Variants in SCMH1 observed in about 807,000 individuals in gnomAD.
SCMH1 encodes Scm polycomb group protein homolog 1.
SCMH1 carries 37 observed loss-of-function variants against 70.8 expected under a neutral mutation model. The ratio of observed to expected loss-of-function variants is 0.52; its 90% confidence interval spans 0.40 to 0.69. The LOEUF is 0.69. SCMH1 is among the 30% of genes least tolerant of loss of function. SCMH1 has a pLI of 0.00. For missense variants in SCMH1, 607 were observed against 827.3 expected (o/e 0.73, Z 3.27); for synonymous variants, 292 against 307.4 (o/e 0.95, Z 0.52).
chr1:41,164,621 C>T (rs1572760138), intron 2 of SCMH1, among the ~76,000 whole-genome samples: 2 of 152,150 alleles, frequency 1.3e-5, no homozygotes, highest in African/African-American at 4.8e-5. Flanking sequence ...TCTGACTTCT[C>T]TCCTGTTACT....
chr1:41,052,737 T>C (rs1558472293), intron 10 of SCMH1, among the ~76,000 whole-genome samples: 1 of 152,098 alleles, frequency 6.6e-6, no homozygotes, highest in Admixed American at 6.5e-5. Flanking sequence ...TATAGTATGA[T>C]TCATTTATAG....
At chr1:41,215,897 C>G (rs548965299) in intron 1 of SCMH1, among the ~76,000 whole-genome samples, 48 of 152,110 alleles carry the variant, frequency 3.2e-4, no homozygotes, top group Admixed American at 6.6e-5. Flanking sequence ...TTTAAATATA[C>G]TCAGAAAGTA....
At chr1:41,152,993 C>T (rs1238537973) in intron 4 of SCMH1, among the ~76,000 whole-genome samples, 1 of 152,188 alleles carries the variant, frequency 6.6e-6, no homozygotes, top group Non-Finnish European at 1.5e-5. Context: ...TTTCTGAAGT[C>T]AAGGTTTAAA....
At chr1:41,087,275 C>T (rs1030153915) in intron 8 of SCMH1, among the ~76,000 whole-genome samples, 4 of 151,760 alleles carry the variant, frequency 2.6e-5, no homozygotes, top group Admixed American at 1.3e-4. Flanking sequence ...TATATAAGTA[C>T]TAGAGGAAAA....
At chr1:41,061,845 T>A in intron 10 of SCMH1, among the ~76,000 whole-genome samples, 1 of 152,138 alleles carries the variant, frequency 6.6e-6, no homozygotes, top group East Asian at 1.9e-4. Flanking sequence ...CACATCTGAA[T>A]ATATTTTTTT....
At chr1:41,091,025 C>G (rs886985200) in intron 8 of SCMH1, among the ~76,000 whole-genome samples, 1 of 120,384 alleles carries the variant, frequency 8.3e-6, no homozygotes, top group African/African-American at 3.3e-5. Flanking sequence ...GGCGAAAGAG[C>G]GAGACTCCGT....
intron 5 of SCMH1, among the ~76,000 whole-genome samples, chr1:41,146,951 T>G (rs1368712714): frequency 6.6e-6 from 1 of 152,110 alleles, no homozygotes; most frequent in Non-Finnish European, 1.5e-5. Context: ...TTTATATAAA[T>G]TTTTCGTATT....
intron 6 of SCMH1, among the ~76,000 whole-genome samples, chr1:41,133,298 A>G (rs1255669523): frequency 6.6e-6 from 1 of 152,104 alleles, no homozygotes; most frequent in Non-Finnish European, 1.5e-5. Context: ...TTCTTTTTGT[A>G]TCAATGGTGA....
chr1:41,130,595 A>G (rs1312176653), intron 6 of SCMH1, among the ~76,000 whole-genome samples: 1 of 152,132 alleles, frequency 6.6e-6, no homozygotes, highest in Non-Finnish European at 1.5e-5. Flanking sequence ...TTTTTCTAGC[A>G]TTACTGAATT....
At chr1:41,097,743 C>G (rs1665479634) in intron 8 of SCMH1, among the ~76,000 whole-genome samples, 1 of 152,236 alleles carries the variant, frequency 6.6e-6, no homozygotes, top group Admixed American at 6.5e-5. Flanking sequence ...CTCTCTCCCT[C>G]TAACTTATTC....
At chr1:41,197,360 T>C (rs530184152) in intron 1 of SCMH1, among the ~76,000 whole-genome samples, 3 of 152,168 alleles carry the variant, frequency 2.0e-5, no homozygotes, top group Admixed American at 6.5e-5. Context: ...AACTCAGCCA[T>C]AAAAAGGAAT....
intron 1 of SCMH1, among the ~76,000 whole-genome samples, chr1:41,236,707 C>T (rs561108453): frequency 1.5e-4 from 23 of 152,276 alleles, no homozygotes; most frequent in African/African-American, 4.8e-4. Flanking sequence ...CTACACACAT[C>T]CTCCTATGTA....
rs189336561 is a variant in SCMH1 at position 41,049,567 on chromosome 1, C to T, written c.1106-677G>A. On this transcript the variant is annotated intron_variant, in intron 10 of 14. Coordinates refer to ENST00000337495, the Ensembl canonical transcript of SCMH1. ...CAGGTGGATCACGAGGTCAGGAGTT[C>T]GAGATCAGCCTGGTGAAGAGGTGAA... 5.0e-3 allele frequency among the ~76,000 whole-genome samples: 740 copies of T among 149,250 alleles called. 9 individuals are homozygous for T. The highest frequency in any genetic ancestry group is 0.017 in the African/African-American group (690 of 40,482).
chr1:41,029,777 A>G (rs986833570), intron 13 of SCMH1, among the ~76,000 whole-genome samples: 12 of 152,122 alleles, frequency 7.9e-5, no homozygotes, highest in African/African-American at 2.7e-4. Context: ...TCCTTTATGA[A>G]ACTTTTCTGG....
intron 1 of SCMH1, among the ~76,000 whole-genome samples, chr1:41,233,164 A>G (rs1661641340): frequency 6.6e-6 from 1 of 152,200 alleles, no homozygotes; most frequent in Non-Finnish European, 1.5e-5. Context: ...GCAAACTGGG[A>G]CTTGAATCAG....
At chr1:41,075,306 G>C (rs199947201) in exon 9 of SCMH1, 2 of 1,613,996 alleles carry the variant, frequency 1.2e-6, no homozygotes, top group Non-Finnish European at 1.7e-6. Context: ...GGGAAATTAG[G>C]GTCTTGGGTG....
At chr1:41,048,942 G>T in intron 10 of SCMH1, 52 bp from the exon 11 acceptor site, 1 of 1,502,220 alleles carries the variant, frequency 6.7e-7, no homozygotes, top group Non-Finnish European at 9.1e-7. Flanking sequence ...GGATAGAGAA[G>T]TCAGAGAACA....
intron 6 of SCMH1, among the ~76,000 whole-genome samples, chr1:41,118,805 A>C (rs1017352965): frequency 7.9e-5 from 12 of 152,198 alleles, no homozygotes; most frequent in African/African-American, 2.9e-4. Flanking sequence ...ACAAAACCTA[A>C]TGTTTTTTGA....
chr1:41,074,421 G>A (rs548101136), intron 9 of SCMH1, among the ~76,000 whole-genome samples: 44 of 152,190 alleles, frequency 2.9e-4, no homozygotes, highest in African/African-American at 1.0e-3. Flanking sequence ...AGGGTTTTGT[G>A]AAAATCATGG....
Sources: allele counts gnomAD v4.1 joint callset (sites outside exome capture counted in the v4.1 genomes callset), GRCh38; gene constraint gnomAD v4.1.1; transcripts MANE v1.5; gene names NCBI Gene and HGNC (gene_info 2026-07-23, HGNC 2026-07-21).